Variants in LYRM4 observed in about 807,000 individuals in gnomAD.
LYRM4 encodes the protein LYR motif containing 4, also known as LYR motif-containing protein 4.
In LYRM4, 9 loss-of-function variants were observed where a neutral mutation model predicts 11.7. The observed-to-expected ratio is 0.77, with a 90% CI of 0.46 to 1.34. The LOEUF (loss-of-function observed/expected upper bound fraction) is 1.34. Ranked by LOEUF, LYRM4 falls within the 40% of genes most tolerant of loss-of-function variation. LYRM4 has a pLI of 0.00. For missense variants in LYRM4, 133 were observed against 112.5 expected, an observed-to-expected ratio of 1.18 and a Z score of -0.82; for synonymous variants, 42 against 40.4, an observed-to-expected ratio of 1.04 and a Z score of -0.15.
At chr6:5,172,948 C>G (rs1759514415) in intron 2 of LYRM4, among the ~76,000 whole-genome samples, 2 of 152,166 alleles carry the variant, frequency 1.3e-5, no homozygotes, top group Admixed American at 6.5e-5. Flanking sequence ...TGGAGTCAAG[C>G]TGAAGAGCAG....
chr6:5,106,509 G>A (rs112637971), downstream of LYRM4: 2,971 of 152,378 alleles, frequency 0.019, 42 homozygotes, highest in Middle Eastern at 0.075. Context: ...GAGAGGCTGT[G>A]GATGAAGGGA....
chr6:5,184,923 C>T (rs1038503698), intron 2 of LYRM4, among the ~76,000 whole-genome samples: 9 of 152,214 alleles, frequency 5.9e-5, no homozygotes, highest in African/African-American at 2.2e-4. Flanking sequence ...CCTTCCCCTG[C>T]GCAAGCCCAA....
intron 2 of LYRM4, among the ~76,000 whole-genome samples, chr6:5,152,473 TA>T (rs1758143581): frequency 2.0e-5 from 3 of 152,142 alleles, no homozygotes; most frequent in East Asian, 1.9e-4. Flanking sequence ...ATCCTTCTAA[TA>T]TTTTTTTAAA....
chr6:5,145,881 A>G (rs904873252), intron 2 of LYRM4, among the ~76,000 whole-genome samples: 7 of 152,118 alleles, frequency 4.6e-5, no homozygotes, highest in African/African-American at 1.7e-4. Context: ...GAGTTCCTGC[A>G]TTCCATTCCA....
At chr6:5,165,123 C>T (rs138079531) in intron 2 of LYRM4, among the ~76,000 whole-genome samples, 3 of 152,130 alleles carry the variant, frequency 2.0e-5, no homozygotes, top group African/African-American at 7.2e-5. Context: ...TGTAAGCATA[C>T]AATTAGAAAC....
chr6:5,260,528 C>G, intron 1 of LYRM4, 120 bp downstream of exon 1: 6 of 1,377,456 alleles, frequency 4.4e-6, no homozygotes, highest in Non-Finnish European at 5.9e-6. Context: ...CGGTCCTTGC[C>G]TCGCAGCCGC....
intron 1 of LYRM4, among the ~76,000 whole-genome samples, chr6:5,242,928 C>T (rs906155058): frequency 4.6e-5 from 7 of 151,210 alleles, no homozygotes; most frequent in African/African-American, 9.7e-5. Context: ...CGCCCGCCAC[C>T]GCGCCCGGCT....
the LYRM4 span, among the ~76,000 whole-genome samples, chr6:5,063,244 G>A: frequency 3.3e-5 from 5 of 151,972 alleles, no homozygotes; most frequent in Admixed American, 1.3e-4. Flanking sequence ...TTCATCCACC[G>A]ACTAAAGCCT....
chr6:5,172,893 C>G (rs764074195), intron 2 of LYRM4, among the ~76,000 whole-genome samples: 25 of 152,182 alleles, frequency 1.6e-4, no homozygotes, highest in Non-Finnish European at 2.9e-4. Context: ...CAGTTACATT[C>G]TACTCTTTCA....
chr6:5,242,824 A>C (rs1177255411), intron 1 of LYRM4, among the ~76,000 whole-genome samples: 2 of 140,830 alleles, frequency 1.4e-5, no homozygotes. Flanking sequence ...CGGACTGCGG[A>C]CTGCAGTGGC....
intron 2 of LYRM4, among the ~76,000 whole-genome samples, chr6:5,147,888 T>C (rs1246795612): frequency 2.0e-5 from 3 of 152,322 alleles, no homozygotes; most frequent in Middle Eastern, 3.4e-3. Context: ...CCAGGTCTCA[T>C]TGATAGCCAC....
chr6:5,252,696 C>T (rs192003488), intron 1 of LYRM4, among the ~76,000 whole-genome samples: 1 of 152,240 alleles, frequency 6.6e-6, no homozygotes, highest in East Asian at 1.9e-4. Context: ...AAGTTTTGGT[C>T]AATGAGCAAA....
At chr6:5,079,146 G>T in the LYRM4 span, among the ~76,000 whole-genome samples, 1 of 152,180 alleles carries the variant, frequency 6.6e-6, no homozygotes, top group Non-Finnish European at 1.5e-5. Context: ...ACCCAAAGAA[G>T]TGGATAGGTC....
rs1221799842 is a variant in LYRM4 at position 5,214,738 on chromosome 6, C to T, written c.207+1880G>A. Among the ~76,000 whole-genome samples the T allele has an allele frequency of 5.3e-5, 8 of 152,216 alleles. 1 individual carries two copies. Among genetic ancestry groups the T allele is most frequent in the Admixed American group, 4.6e-4 (7 of 15,286 alleles). ...TGGCCGGGGGAGCCACTGTGCCTTA[C>T]GCCCTAACTACTGTAAAGGCTGCAT... is the stretch of plus-strand genomic sequence containing the variant. On this transcript the variant is annotated intron_variant, in intron 2 of 2. Transcript: ENST00000330636.
chr6:5,163,696 T>G (rs906776641), intron 2 of LYRM4, among the ~76,000 whole-genome samples: 1 of 151,392 alleles, frequency 6.6e-6, no homozygotes, highest in African/African-American at 2.4e-5. Flanking sequence ...TCACTGCAAC[T>G]TCTGCCTCCT....
intron 1 of LYRM4, among the ~76,000 whole-genome samples, chr6:5,256,643 C>T (rs910790567): frequency 4.0e-5 from 6 of 150,700 alleles, no homozygotes; most frequent in South Asian, 2.1e-4. Context: ...ATGTGACTTG[C>T]GTGGGGTCAC....
intron 2 of LYRM4, among the ~76,000 whole-genome samples, chr6:5,191,564 G>A (rs746952046): frequency 6.6e-6 from 1 of 152,180 alleles, no homozygotes; most frequent in Non-Finnish European, 1.5e-5. Flanking sequence ...TTACCTGTCT[G>A]TAATTTAGGA....
chr6:5,160,539 C>G (rs574842565), intron 2 of LYRM4, among the ~76,000 whole-genome samples: 1 of 152,058 alleles, frequency 6.6e-6, no homozygotes, highest in Admixed American at 6.5e-5. Context: ...TATTAAAGGA[C>G]TGAGCACCAC....
the LYRM4 span, among the ~76,000 whole-genome samples, chr6:5,073,551 T>G: frequency 4.0e-5 from 6 of 148,164 alleles, 1 homozygote; most frequent in Admixed American, 1.4e-4. Context: ...TATAGGATTA[T>G]AAATACTATA....
Sources: allele counts gnomAD v4.1 joint callset (sites outside exome capture counted in the v4.1 genomes callset), GRCh38; gene constraint gnomAD v4.1.1; transcripts MANE v1.5; gene names NCBI Gene and HGNC (gene_info 2026-07-23, HGNC 2026-07-21).